The following FHIT variants were observed in gnomAD, a reference collection of about 807,000 sequenced individuals.
FHIT encodes fragile histidine triad diadenosine triphosphatase.
A neutral mutation model predicts 17.9 loss-of-function variants in FHIT; 19 were observed. That is an observed-to-expected ratio of 1.06 (90% CI 0.74 to 1.56). The LOEUF is 1.56. FHIT is among the 40% of genes most tolerant of loss of function. FHIT has a pLI of 0.00. For synonymous variants in FHIT, 81 were observed against 69.7 expected (o/e 1.16, Z -0.81); for missense variants, 248 against 189.2 (o/e 1.31, Z -1.82).
intron 8 of FHIT, among the ~76,000 whole-genome samples, chr3:59,906,484 C>A (rs1704590430): frequency 6.6e-6 from 1 of 152,048 alleles, no homozygotes; most frequent in South Asian, 2.1e-4. Flanking sequence ...GCATGTAGAC[C>A]CCTAAAAATT....
intron 5 of FHIT, among the ~76,000 whole-genome samples, chr3:60,351,035 C>T (rs1371921029): frequency 1.3e-5 from 2 of 152,042 alleles, no homozygotes; most frequent in African/African-American, 4.8e-5. Flanking sequence ...GCTGATGAGA[C>T]CACAGCCCCA....
At chr3:59,987,943 G>T (rs1030579040) in intron 7 of FHIT, among the ~76,000 whole-genome samples, 1 of 152,028 alleles carries the variant, frequency 6.6e-6, no homozygotes, top group Non-Finnish European at 1.5e-5. Context: ...TTGAAAAGGG[G>T]AACAAGACGT....
intron 1 of FHIT, among the ~76,000 whole-genome samples, chr3:61,203,304 G>A (rs918322532): frequency 6.0e-5 from 9 of 151,158 alleles, no homozygotes; most frequent in African/African-American, 1.7e-4. Context: ...AGCTGAAATT[G>A]CACCATTGCA....
intron 4 of FHIT, among the ~76,000 whole-genome samples, chr3:60,618,819 G>A (rs1273388980): frequency 6.6e-6 from 1 of 152,134 alleles, no homozygotes; most frequent in Non-Finnish European, 1.5e-5. Context: ...GAATGATGCT[G>A]TATAAGACAG....
chr3:61,010,131 T>C (rs1350656056), intron 3 of FHIT, among the ~76,000 whole-genome samples: 1 of 152,128 alleles, frequency 6.6e-6, no homozygotes, highest in East Asian at 1.9e-4. Flanking sequence ...TGCGCATATC[T>C]TCAATTATTA....
intron 7 of FHIT, among the ~76,000 whole-genome samples, chr3:59,985,723 G>C (rs1708867414): frequency 6.6e-6 from 1 of 152,158 alleles, no homozygotes; most frequent in East Asian, 1.9e-4. Flanking sequence ...CTTAAAGCAG[G>C]GTGAGCAAAT....
chr3:60,823,356 G>C (rs782143084), intron 3 of FHIT, among the ~76,000 whole-genome samples: 1 of 152,142 alleles, frequency 6.6e-6, no homozygotes, highest in Non-Finnish European at 1.5e-5. Context: ...TCAGTACTTA[G>C]AATGTGACCT....
intron 5 of FHIT, among the ~76,000 whole-genome samples, chr3:60,311,024 G>C (rs1267285940): frequency 2.0e-5 from 3 of 152,102 alleles, no homozygotes; most frequent in Non-Finnish European, 2.9e-5. Context: ...AGTAAATGGA[G>C]CATTGGTACA....
chr3:60,619,344 ATT>A (rs113666226), intron 4 of FHIT, among the ~76,000 whole-genome samples: 2,044 of 150,584 alleles, frequency 0.014, 56 homozygotes, highest in African/African-American at 0.047. Context: ...CCAGCAACCT[ATT>A]TTTTGTGGAT....
intron 4 of FHIT, among the ~76,000 whole-genome samples, chr3:60,791,712 G>A (rs1328666978): frequency 1.3e-5 from 2 of 152,148 alleles, no homozygotes; most frequent in African/African-American, 2.4e-5. Flanking sequence ...TAGATTTCAG[G>A]TCTTCTGTCA....
At chr3:59,846,205 A>T (rs1701713540) in intron 8 of FHIT, among the ~76,000 whole-genome samples, 1 of 151,032 alleles carries the variant, frequency 6.6e-6, no homozygotes, top group Non-Finnish European at 1.5e-5. Context: ...TGTTTGGTTG[A>T]TTTCTTGTTT....
intron 5 of FHIT, among the ~76,000 whole-genome samples, chr3:60,257,936 A>T (rs1428661987): frequency 6.6e-6 from 1 of 152,124 alleles, no homozygotes; most frequent in African/African-American, 2.4e-5. Context: ...AGAAGAGCTA[A>T]TGGATGCTGG....
intron 8 of FHIT, among the ~76,000 whole-genome samples, chr3:59,813,930 G>T (rs1700499337): frequency 6.6e-6 from 1 of 152,138 alleles, no homozygotes; most frequent in African/African-American, 2.4e-5. Context: ...GCTAGGAGAT[G>T]CCAAATCAGT....
chr3:60,097,303 C>A (rs913924198), intron 5 of FHIT, among the ~76,000 whole-genome samples: 1 of 152,080 alleles, frequency 6.6e-6, no homozygotes, highest in Non-Finnish European at 1.5e-5. Flanking sequence ...GAGCTTTACC[C>A]CTTGACCATG....
chr3:60,330,834 C>T (rs1709932425), intron 5 of FHIT, among the ~76,000 whole-genome samples: 3 of 152,144 alleles, frequency 2.0e-5, no homozygotes, highest in Admixed American at 2.0e-4. Context: ...CTATATATGG[C>T]TTTAAGCTAA....
chr3:60,926,319 C>T (rs561518339), intron 3 of FHIT, among the ~76,000 whole-genome samples: 1 of 152,298 alleles, frequency 6.6e-6, no homozygotes, highest in Non-Finnish European at 1.5e-5. Context: ...AAGCACTCCT[C>T]AGCAAATGTA....
chr3:60,392,014 A>G (rs1313334272), intron 5 of FHIT, among the ~76,000 whole-genome samples: 1 of 152,124 alleles, frequency 6.6e-6, no homozygotes, highest in African/African-American at 2.4e-5. Context: ...GATCAACTCA[A>G]TACAGAGATT....
intron 3 of FHIT, among the ~76,000 whole-genome samples, chr3:60,989,293 G>T (rs111845937): frequency 6.6e-6 from 1 of 151,978 alleles, no homozygotes; most frequent in Non-Finnish European, 1.5e-5. Context: ...GAGACCACAG[G>T]TGTGTACCAC....
chr3:60,673,418 G>A (rs1431452236), intron 4 of FHIT, among the ~76,000 whole-genome samples: 1 of 151,960 alleles, frequency 6.6e-6, no homozygotes, highest in African/African-American at 2.4e-5. Context: ...CACAGGAACA[G>A]AAAACCAAAC....
Sources: allele counts gnomAD v4.1 joint callset (sites outside exome capture counted in the v4.1 genomes callset), GRCh38; gene constraint gnomAD v4.1.1; transcripts MANE v1.5; gene names NCBI Gene and HGNC (gene_info 2026-07-23, HGNC 2026-07-21).